CNTLN: variants seen among roughly 807,000 people sequenced by gnomAD.
CNTLN encodes the protein centlein.
CNTLN carries 212 observed loss-of-function variants against 180.0 expected under a neutral mutation model. The observed-to-expected ratio is 1.18, with a 90% confidence interval of 1.05 to 1.32. CNTLN has a LOEUF of 1.32. Ranked by LOEUF, CNTLN falls within the 40% of genes most tolerant of loss-of-function variation. The pLI is 0.00. For synonymous variants in CNTLN, 722 were observed against 563.1 expected (o/e 1.28, Z -3.99); for missense variants, 2,095 against 1,610.9 (o/e 1.30, Z -5.14).
At chr9:17,272,260 A>G (rs954892651) in intron 5 of CNTLN, among the ~76,000 whole-genome samples, 24 of 152,032 alleles carry the variant, frequency 1.6e-4, no homozygotes, top group African/African-American at 5.8e-4. Flanking sequence ...CATTTTTAGT[A>G]GAGGCGGGGT....
At chr9:17,179,230 C>T (rs1323702270) in intron 2 of CNTLN, among the ~76,000 whole-genome samples, 3 of 118,662 alleles carry the variant, frequency 2.5e-5, no homozygotes, top group South Asian at 2.8e-4. Context: ...GGCGACAGAG[C>T]GAGACTCCGT....
At chr9:17,229,227 G>C (rs186476835) in intron 3 of CNTLN, among the ~76,000 whole-genome samples, 2 of 152,008 alleles carry the variant, frequency 1.3e-5, no homozygotes, top group African/African-American at 4.8e-5. Flanking sequence ...TGTCATTGTC[G>C]TAAAATGCTG....
chr9:17,501,343 G>A (rs777929987), intron 25 of CNTLN, among the ~76,000 whole-genome samples: 1 of 152,212 alleles, frequency 6.6e-6, no homozygotes, highest in Non-Finnish European at 1.5e-5. Context: ...CTTTGGGTCT[G>A]AGGCAGTTTT....
At position 17,483,155 on chromosome 9, in the gene CNTLN, G is replaced by A. The variant is rs552530533; in HGVS notation, c.3856-1140G>A. ...AAATATAATTTCCCGAATACGTGAAGAACTCCTATAAATCCCTAAGAAAAA... is the reference window on the plus strand; with the variant it reads ...AAATATAATTTCCCGAATACGTGAAAAACTCCTATAAATCCCTAAGAAAAA... On this transcript the variant is annotated intron_variant, in intron 23 of 25. Transcript: ENST00000380647. 3.9e-5 allele frequency among the ~76,000 whole-genome samples: 6 copies of A among 152,066 alleles called. No individual in the cohort carries two copies. In the East Asian group the frequency reaches 1.2e-3, roughly 29 times the overall value.
chr9:17,464,936 T>C (rs1358671487), intron 21 of CNTLN, among the ~76,000 whole-genome samples: 1 of 151,202 alleles, frequency 6.6e-6, no homozygotes, highest in Non-Finnish European at 1.5e-5. Context: ...CTGTAATTTA[T>C]GATAGAATCA....
chr9:17,142,208 A>G (rs1373332005), intron 1 of CNTLN, among the ~76,000 whole-genome samples: 1 of 152,186 alleles, frequency 6.6e-6, no homozygotes, highest in Non-Finnish European at 1.5e-5. Flanking sequence ...ATGCGGCCTA[A>G]CACAAATTCT....
At chr9:17,470,891 TC>T (rs1832014056) in intron 23 of CNTLN, among the ~76,000 whole-genome samples, 1 of 152,094 alleles carries the variant, frequency 6.6e-6, no homozygotes, top group African/African-American at 2.4e-5. Context: ...TATATAAATT[TC>T]TTGCTTCTTT....
At chr9:17,219,243 TC>T (rs199734478) in intron 2 of CNTLN, among the ~76,000 whole-genome samples, 2,094 of 150,800 alleles carry the variant, frequency 0.014, 64 homozygotes, top group African/African-American at 0.048. Flanking sequence ...TCTTTTTTTT[TC>T]TTTTTAAGGA....
In CNTLN at chr9:17,312,366, ATAT is replaced by A. The variant is rs1819223772; in HGVS notation, c.1341+3115_1341+3117del. Among the ~76,000 whole-genome samples the A allele has an allele frequency of 8.6e-4, 8 of 9,328 alleles. 1 individual carries two copies. Among genetic ancestry groups the A allele is most frequent in the Non-Finnish European group, 2.7e-3 (7 of 2,562 alleles). 6.1% of individuals were successfully genotyped at this position (9,328 alleles called of 152,430 possible). A position where few individuals can be genotyped will look rare whatever the true frequency, so the allele number is the denominator to read the frequency against. On this transcript the variant is annotated intron_variant, in intron 8 of 25. Coordinates refer to ENST00000380647, the MANE Select transcript of CNTLN (RefSeq NM_017738.4). The stretch of plus-strand genomic sequence containing the variant: ...ATTTATATATATATATATATATATT[ATAT>A]ATATATATATATATAATTTATTTAT...
At chr9:17,463,316 G>C (rs1204434065) in intron 20 of CNTLN, among the ~76,000 whole-genome samples, 2 of 151,488 alleles carry the variant, frequency 1.3e-5, no homozygotes, top group African/African-American at 4.8e-5. Flanking sequence ...GTGGTTATTT[G>C]GCCCCCCAAA....
intron 14 of CNTLN, among the ~76,000 whole-genome samples, chr9:17,390,214 T>C (rs1406678625): frequency 6.6e-6 from 1 of 150,582 alleles, no homozygotes; most frequent in Non-Finnish European, 1.5e-5. Context: ...AGGCATTGTA[T>C]TTCAGTTTTG....
chr9:17,323,700 TG>T (rs1430885768), intron 8 of CNTLN, among the ~76,000 whole-genome samples: 2 of 152,240 alleles, frequency 1.3e-5, no homozygotes, highest in African/African-American at 4.8e-5. Context: ...GTAACAGATG[TG>T]GCAATATGGC....
rs78616973 is a variant in CNTLN, at chr9:17,446,738, G to T, written c.3115-10786G>T. ...TATGAGCAATTTAATACTATATATG[G>T]ATATTGATTTCCTCTGGCTAGTCCA... On this transcript the variant is annotated intron_variant, in intron 18 of 25. Coordinates refer to ENST00000380647, the MANE Select transcript of CNTLN (RefSeq NM_017738.4). Among the ~76,000 whole-genome samples, 64 of 152,130 alleles carry T rather than the reference G, an allele frequency of 4.2e-4. 3 individuals are homozygous for T. In the East Asian group the frequency reaches 0.012, roughly 29 times the overall value.
At position 17,243,374 on chromosome 9, in the gene CNTLN, T is replaced by A. The variant is rs78807616; in HGVS notation, c.849+6786T>A. On this transcript the variant is annotated intron_variant, in intron 5 of 25. Coordinates refer to ENST00000380647, the MANE Select transcript of CNTLN (RefSeq NM_017738.4). ...TCTTCTAATTTTGCATTTTGTTTGCTCTTGCTTTTCTAGTTCTTTAGGATG... is the reference window on the plus strand; with the variant it reads ...TCTTCTAATTTTGCATTTTGTTTGCACTTGCTTTTCTAGTTCTTTAGGATG... 0.018 allele frequency among the ~76,000 whole-genome samples: 2,705 copies of A among 152,254 alleles called. 170 individuals are homozygous for A. The East Asian group carries it at 0.24, about 13-fold the overall frequency.
At position 17,467,006 on chromosome 9, in the gene CNTLN, A is replaced by T. The variant is rs1831791884; in HGVS notation, c.3855+115A>T. 10 of 613,876 alleles carry T rather than the reference A, an allele frequency of 1.6e-5. No individual in the cohort carries two copies. In the South Asian group the frequency reaches 2.4e-4, roughly 15 times the overall value. 38.0% of individuals were successfully genotyped at this position (613,876 alleles called of 1,614,324 possible). On this transcript the variant is annotated intron_variant, in intron 23 of 25. Coordinates refer to ENST00000380647, the MANE Select transcript of CNTLN (RefSeq NM_017738.4). ...TTTCTGCTTTCCTAACACAGAAAGCATCTTCTTCTACCCTATTTATCACAT... is the reference window on the plus strand; with the variant it reads ...TTTCTGCTTTCCTAACACAGAAAGCTTCTTCTTCTACCCTATTTATCACAT...
chr9:17,440,624 A>G (rs1323232708), intron 18 of CNTLN, among the ~76,000 whole-genome samples: 1 of 151,990 alleles, frequency 6.6e-6, no homozygotes, highest in African/African-American at 2.4e-5. Flanking sequence ...ATAAGTTCAC[A>G]TAAAAAACTT....
intron 23 of CNTLN, among the ~76,000 whole-genome samples, chr9:17,482,961 C>T (rs1488304677): frequency 6.6e-6 from 1 of 151,972 alleles, no homozygotes; most frequent in Non-Finnish European, 1.5e-5. Flanking sequence ...TTATATACCT[C>T]ATTGTGGAGA....
At chr9:17,250,482 G>T (rs183587954) in intron 5 of CNTLN, among the ~76,000 whole-genome samples, 4 of 151,580 alleles carry the variant, frequency 2.6e-5, no homozygotes, top group Non-Finnish European at 5.9e-5. Flanking sequence ...GACACATTTC[G>T]ATTTTGTTTG....
chr9:17,135,425 G>T lies in CNTLN; in HGVS notation c.360G>T (p.Gln120His). Reference protein sequence around the residue: ...SSLKEELALCQADKEFVWSLW... With the variant: ...SSLKEELALCHADKEFVWSLW... The stretch of plus-strand genomic sequence containing the variant: ...TAAAGGAGGAGTTGGCCCTGTGTCA[G>T]GTATCGAGGAGTCTCGCAGTCCCCC... The change falls in exon 1 of 26, where the codon CAG becomes CAT. Residue 120 changes from glutamine (Q) to histidine (H), a missense_variant and splice_region_variant. Coordinates refer to ENST00000380647, the MANE Select transcript of CNTLN (RefSeq NM_017738.4). The T allele has an allele frequency of 5.6e-6, 9 of 1,594,306 alleles. No homozygotes were observed. The highest frequency in any genetic ancestry group is 6.0e-6 in the Non-Finnish European group (7 of 1,171,838).
Sources: allele counts gnomAD v4.1 joint callset (sites outside exome capture counted in the v4.1 genomes callset), GRCh38; gene constraint gnomAD v4.1.1; transcripts MANE v1.5; gene names NCBI Gene and HGNC (gene_info 2026-07-23, HGNC 2026-07-21).